Variants in RRAS2 observed in about 807,000 individuals in gnomAD.
RRAS2 encodes RAS related 2.
In RRAS2, 7 loss-of-function variants were observed where a neutral mutation model predicts 27.6. The observed-to-expected ratio is 0.25, with a 90% CI of 0.14 to 0.48. The LOEUF is 0.48. RRAS2 is among the 20% of genes least tolerant of loss of function. RRAS2 has a pLI of 0.99. For synonymous variants in RRAS2, 86 were observed against 90.9 expected (o/e 0.95, Z 0.31); for missense variants, 178 against 256.2 (o/e 0.69, Z 2.08).
At chr11:14,364,214 C>G (rs1314734370) in intron 1 of RRAS2, among the ~76,000 whole-genome samples, 1 of 152,156 alleles carries the variant, frequency 6.6e-6, no homozygotes, top group Non-Finnish European at 1.5e-5. Context: ...TCTTTACAAA[C>G]CAATATTGAC....
intron 4 of RRAS2, among the ~76,000 whole-genome samples, chr11:14,283,166 C>A (rs1208401901): frequency 1.3e-5 from 2 of 152,152 alleles, no homozygotes; most frequent in African/African-American, 4.8e-5. Context: ...CTGCATCTTA[C>A]TGAGATGATT....
intron 1 of RRAS2, among the ~76,000 whole-genome samples, chr11:14,334,284 T>C (rs144379653): frequency 0.017 from 2,587 of 152,228 alleles, 76 homozygotes; most frequent in African/African-American, 0.058. Flanking sequence ...TTTTACTTTG[T>C]CCTGGTTTTT....
chr11:14,302,073 TACACACACACACACACACACACAC>T (rs57730782), intron 1 of RRAS2, among the ~76,000 whole-genome samples: 11 of 142,362 alleles, frequency 7.7e-5, no homozygotes, highest in Non-Finnish European at 1.2e-4. Context: ...ACCACACACA[TACACACACACACACACACACACAC>T]ACACACACAC....
intron 1 of RRAS2, among the ~76,000 whole-genome samples, chr11:14,321,221 C>T (rs1438522132): frequency 2.0e-5 from 3 of 151,952 alleles, no homozygotes; most frequent in African/African-American, 4.8e-5. Context: ...ACACGACGCA[C>T]GTCAATATTT....
intron 1 of RRAS2, among the ~76,000 whole-genome samples, chr11:14,336,255 T>C (rs1554952541): frequency 6.6e-6 from 1 of 152,112 alleles, no homozygotes; most frequent in African/African-American, 2.4e-5. Context: ...CCCTTTCTCC[T>C]GCCAGAGTGG....
chr11:14,324,979 G>T (rs1331669705), intron 1 of RRAS2, among the ~76,000 whole-genome samples: 1 of 152,122 alleles, frequency 6.6e-6, no homozygotes, highest in Non-Finnish European at 1.5e-5. Flanking sequence ...ATTATAAAGG[G>T]TTCATAAATC....
rs1849145917 is a variant in RRAS2, at chr11:14,359,010, G to A, written c.-140C>T. On this transcript the variant is annotated 5_prime_UTR_variant, in exon 1 of 6. Transcript: ENST00000256196. ...TCCCGGGTACCGGGAGGCGTCTGGA[G>A]GGCCGGTCAGCGCGGTAGCGCGGCG... 2 of 1,138,118 alleles carry A rather than the reference G, an allele frequency of 1.8e-6. No individual in the cohort carries two copies. Among genetic ancestry groups the A allele is most frequent in the Non-Finnish European group, 2.2e-6 (2 of 929,060 alleles). The allele number at this position is 1,138,118 out of a possible 1,614,324, so 70.5% of individuals were successfully genotyped here. A position where few individuals can be genotyped will look rare whatever the true frequency, so the allele number is the denominator to read the frequency against.
rs1380422855 is a variant in RRAS2 at position 14,278,322 on chromosome 11, T to C, written c.*1015A>G. The C allele has an allele frequency of 6.6e-6, 1 of 152,250 alleles. No homozygotes were observed. The highest frequency in any genetic ancestry group is 6.5e-5 in the Admixed American group (1 of 15,276). The allele number at this position is 152,250 out of a possible 1,614,324, so 9.4% of individuals were successfully genotyped here. A position where few individuals can be genotyped will look rare whatever the true frequency, so the allele number is the denominator to read the frequency against. ...AAAAGTTCTACCACAGTTTCTGTAG[T>C]TTCCACTTGTTTTTCTTTGTCAGTT... On this transcript the variant is annotated 3_prime_UTR_variant, in exon 6 of 6. Coordinates refer to ENST00000256196, the MANE Select transcript of RRAS2 (RefSeq NM_012250.6).
At chr11:14,300,768 G>A (rs1847677680) in intron 1 of RRAS2, among the ~76,000 whole-genome samples, 1 of 152,224 alleles carries the variant, frequency 6.6e-6, no homozygotes, top group East Asian at 1.9e-4. Context: ...AAGAAGCCAC[G>A]TTAAGGAGGA....
intron 4 of RRAS2, among the ~76,000 whole-genome samples, chr11:14,286,806 C>A (rs1428861542): frequency 6.6e-6 from 1 of 152,202 alleles, no homozygotes; most frequent in Non-Finnish European, 1.5e-5. Context: ...AACGTATGTG[C>A]CACAAGGCTA....
chr11:14,307,819 G>A (rs546908634), intron 1 of RRAS2, among the ~76,000 whole-genome samples: 2 of 152,174 alleles, frequency 1.3e-5, no homozygotes, highest in African/African-American at 4.8e-5. Context: ...CGCCCCATTT[G>A]TAAGTTACGA....
rs551062297 is a variant in RRAS2 at position 14,279,855 on chromosome 11, T to A, written c.528-431A>T. On this transcript the variant is annotated intron_variant, in intron 5 of 5. Coordinates refer to ENST00000256196, the MANE Select transcript of RRAS2 (RefSeq NM_012250.6). Reference sequence around the variant, plus strand: ...TTGACCTAGTCTGAGCCCCAGTTTTTTTAGAGGGGAATAATGGAAACCTAC... The same window carrying A: ...TTGACCTAGTCTGAGCCCCAGTTTTATTAGAGGGGAATAATGGAAACCTAC... Among the ~76,000 whole-genome samples the A allele has an allele frequency of 4.6e-5, 7 of 152,320 alleles. No individual in the cohort carries two copies. The East Asian group carries it at 1.3e-3, about 29-fold the overall frequency.
intron 4 of RRAS2, among the ~76,000 whole-genome samples, chr11:14,293,136 TATATATATATATATATATATATATATCA>T (rs1195156714): frequency 1.7e-5 from 2 of 119,412 alleles, no homozygotes; most frequent in African/African-American, 7.4e-5. Flanking sequence ...TATATATATA[TATATATATATATATATATATATATATCA>T]TTTTCTCTTA....
At chr11:14,301,465 A>G (rs1334349225) in intron 1 of RRAS2, among the ~76,000 whole-genome samples, 1 of 151,720 alleles carries the variant, frequency 6.6e-6, no homozygotes, top group Admixed American at 6.6e-5. Flanking sequence ...TCAACACCAC[A>G]TATATCTTAT....
At chr11:14,356,335 C>A (rs1027105011) in intron 1 of RRAS2, among the ~76,000 whole-genome samples, 1 of 152,120 alleles carries the variant, frequency 6.6e-6, no homozygotes, top group Non-Finnish European at 1.5e-5. Flanking sequence ...TCCCCACCAC[C>A]AAGCCTACAT....
intron 2 of RRAS2, among the ~76,000 whole-genome samples, 153 bp downstream of exon 2, chr11:14,295,615 T>C (rs1847523727): frequency 6.6e-6 from 1 of 152,254 alleles, no homozygotes; most frequent in Non-Finnish European, 1.5e-5. Context: ...TTACCCATTA[T>C]GCAGACTCTT....
intron 1 of RRAS2, among the ~76,000 whole-genome samples, chr11:14,347,604 G>A (rs1227705261): frequency 6.6e-6 from 1 of 152,064 alleles, no homozygotes; most frequent in Non-Finnish European, 1.5e-5. Context: ...AGGATCACTT[G>A]AGGCCAGAAG....
chr11:14,281,442 A>G (rs112193660), intron 5 of RRAS2, among the ~76,000 whole-genome samples, 160 bp downstream of exon 5: 1 of 152,320 alleles, frequency 6.6e-6, no homozygotes, highest in African/African-American at 2.4e-5. Context: ...TAATTAAATT[A>G]TATTTTATAT....
At position 14,316,186 on chromosome 11, in the gene RRAS2, C is replaced by T. The variant is rs536669436; in HGVS notation, c.109-20331G>A. On this transcript the variant is annotated intron_variant, in intron 1 of 5. Coordinates refer to ENST00000256196, the MANE Select transcript of RRAS2 (RefSeq NM_012250.6). Reference sequence around the variant, plus strand: ...CATTTACATAATGGAAAGTGACAATCGCACAGTGCAATATCCAAAAGATGC... The same window carrying T: ...CATTTACATAATGGAAAGTGACAATTGCACAGTGCAATATCCAAAAGATGC... Among the ~76,000 whole-genome samples the T allele has an allele frequency of 7.2e-5, 11 of 152,230 alleles. No individual in the cohort carries two copies. The South Asian group carries it at 2.3e-3, about 32-fold the overall frequency.
Sources: allele counts gnomAD v4.1 joint callset (sites outside exome capture counted in the v4.1 genomes callset), GRCh38; gene constraint gnomAD v4.1.1; transcripts MANE v1.5; gene names NCBI Gene and HGNC (gene_info 2026-07-23, HGNC 2026-07-21).